SLC12A7: variants seen among roughly 807,000 people sequenced by gnomAD.
SLC12A7 encodes solute carrier family 12 member 7, also known as K-Cl cotransporter 4.
A neutral mutation model predicts 120.6 loss-of-function variants in SLC12A7; 100 were observed. The ratio of observed to expected loss-of-function variants is 0.83; its 90% CI spans 0.71 to 0.98. The LOEUF is 0.98. SLC12A7 is among the 50% of genes least tolerant of loss of function. The pLI, the probability that SLC12A7 is intolerant of heterozygous loss-of-function variation, is 0.00. For missense variants in SLC12A7, 1,373 were observed against 1,548.1 expected (o/e 0.89, Z 1.90); for synonymous variants, 760 against 678.0 (o/e 1.12, Z -1.88).
At chr5:1,076,109 C>T in intron 14 of SLC12A7, 29 bp downstream of exon 14, 2 of 1,573,696 alleles carry the variant, frequency 1.3e-6, no homozygotes, top group Non-Finnish European at 1.7e-6. Flanking sequence ...GCCTGTGGGG[C>T]TCCTCACGCC....
chr5:1,092,694 A>G (rs556745270), intron 3 of SLC12A7, among the ~76,000 whole-genome samples: 1 of 152,182 alleles, frequency 6.6e-6, no homozygotes, highest in Non-Finnish European at 1.5e-5. Flanking sequence ...GCTTCAGAGC[A>G]GGGCCTGCGC....
In SLC12A7 at chr5:1,093,597, GT is replaced by G. The variant is rs1561092226; in HGVS notation, c.277del (p.Thr93ProfsTer3). 1 of 1,612,970 alleles carries G rather than the reference GT, an allele frequency of 6.2e-7. No homozygotes were observed. The highest frequency in any genetic ancestry group is 8.5e-7 in the Non-Finnish European group (1 of 1,179,852). ...SSLLNKLANYTNLSQGVVEHE... is the reference protein window; with the variant it reads ...SSLLNKLANYXNLSQGVVEHE... ...CTCCACCACGCCCTGGCTCAGGTTG[GT>G]GTAGTTGGCCAGCTTGTTGAGCAGC... is the stretch of plus-strand genomic sequence containing the variant. On this transcript the variant is annotated frameshift_variant, in exon 3 of 24. Coordinates refer to ENST00000264930, the MANE Select transcript of SLC12A7 (RefSeq NM_006598.3). LOFTEE classifies it high-confidence loss of function.
At chr5:1,092,748 T>A (rs886652364) in intron 3 of SLC12A7, among the ~76,000 whole-genome samples, 1 of 151,962 alleles carries the variant, frequency 6.6e-6, no homozygotes, top group Non-Finnish European at 1.5e-5. Context: ...GTTTTTTGTA[T>A]CTTATTCTAG....
At chr5:1,063,510 G>A (rs1039585765) in intron 20 of SLC12A7, among the ~76,000 whole-genome samples, 10 of 152,092 alleles carry the variant, frequency 6.6e-5, no homozygotes, top group Non-Finnish European at 8.8e-5. Context: ...AGCAACACAC[G>A]GGGCTCTGTG....
At chr5:1,062,688 G>A (rs79414142) in intron 20 of SLC12A7, among the ~76,000 whole-genome samples, 123 of 11,306 alleles carry the variant, frequency 0.011, no homozygotes, top group Non-Finnish European at 0.069. Context: ...GGGCTGGGGG[G>A]CTGGGGGACT....
chr5:1,148,205 C>CTTTTTTTTTTT, the SLC12A7 span, among the ~76,000 whole-genome samples: 1 of 107,636 alleles, frequency 9.3e-6, no homozygotes, highest in African/African-American at 3.8e-5. Flanking sequence ...TTCTTTCTTT[C>CTTTTTTTTTTT]TTTTTTTTTT....
the SLC12A7 span, among the ~76,000 whole-genome samples, chr5:1,134,268 G>A: frequency 6.6e-6 from 1 of 152,082 alleles, no homozygotes; most frequent in Non-Finnish European, 1.5e-5. Context: ...TCAGGAGTTC[G>A]AGACCAGCCT....
chr5:1,080,959 A>T (rs1015714918), intron 9 of SLC12A7, among the ~76,000 whole-genome samples: 1 of 151,718 alleles, frequency 6.6e-6, no homozygotes, highest in South Asian at 2.1e-4. Flanking sequence ...CAGGCAAGAT[A>T]AGCAGGGGCA....
the SLC12A7 span, among the ~76,000 whole-genome samples, chr5:1,148,205 C>CTTTTTTT: frequency 2.8e-4 from 30 of 107,598 alleles, 1 homozygote; most frequent in African/African-American, 3.8e-4. Context: ...TTCTTTCTTT[C>CTTTTTTT]TTTTTTTTTT....
At chr5:1,084,331 G>C (rs1349647278) in intron 7 of SLC12A7, among the ~76,000 whole-genome samples, 1 of 152,172 alleles carries the variant, frequency 6.6e-6, no homozygotes, top group African/African-American at 2.4e-5. Context: ...GCGCGGTGCC[G>C]AGTAGTGAGG....
In SLC12A7 at chr5:1,085,228, T is replaced by G; in HGVS notation, c.917+4A>C. 1 of 1,602,052 alleles carries G rather than the reference T, an allele frequency of 6.2e-7. No individual in the cohort carries two copies. Among genetic ancestry groups the G allele is most frequent in the African/African-American group, 1.3e-5 (1 of 74,518 alleles). On this transcript the variant is annotated splice_donor_region_variant and intron_variant, in intron 7 of 23. Transcript: ENST00000264930. ...ACCCACGGCTCAGAGGCCCCGAGAC[T>G]CACGGGATGTCCGGGGGGTCGAAGG...
the SLC12A7 span, among the ~76,000 whole-genome samples, chr5:1,136,022 G>A: frequency 6.6e-6 from 1 of 152,172 alleles, no homozygotes; most frequent in Non-Finnish European, 1.5e-5. Flanking sequence ...GGGTCCAGAG[G>A]ACACGGATGC....
At chr5:1,112,239 G>C (rs1743082444), upstream of SLC12A7, among the ~76,000 whole-genome samples, 1 of 151,652 alleles carries the variant, frequency 6.6e-6, no homozygotes, top group Non-Finnish European at 1.5e-5. Context: ...TTCGCTGCCT[G>C]CGCTCCCGAC....
At chr5:1,085,639 AGGG>A in intron 6 of SLC12A7, among the ~76,000 whole-genome samples, 166 bp from the exon 7 acceptor site, 1 of 131,948 alleles carries the variant, frequency 7.6e-6, no homozygotes, top group Non-Finnish European at 1.7e-5. Context: ...CGCACAGGCA[AGGG>A]ACGGAGCCCG....
chr5:1,128,386 C>T, the SLC12A7 span, among the ~76,000 whole-genome samples: 1 of 152,252 alleles, frequency 6.6e-6, no homozygotes, highest in Non-Finnish European at 1.5e-5. Flanking sequence ...CTCAGACAAA[C>T]AAAAGCCACC....
the SLC12A7 span, among the ~76,000 whole-genome samples, chr5:1,133,757 G>A: frequency 6.6e-6 from 1 of 152,292 alleles, no homozygotes; most frequent in African/African-American, 2.4e-5. Flanking sequence ...CTCAGAGGCT[G>A]AGGTTGGGGG....
At chr5:1,082,181 C>T (rs59592987) in intron 8 of SLC12A7, among the ~76,000 whole-genome samples, 2 of 135,898 alleles carry the variant, frequency 1.5e-5, no homozygotes, top group African/African-American at 2.8e-5. Flanking sequence ...CTGGAAAGTC[C>T]GGGCTTCCCG....
chr5:1,085,222 C>G lies in SLC12A7; in HGVS notation c.917+10G>C. 1 of 1,611,658 alleles carries G rather than the reference C, an allele frequency of 6.2e-7. No individual in the cohort carries two copies. Among genetic ancestry groups the G allele is most frequent in the Non-Finnish European group, 8.5e-7 (1 of 1,179,414 alleles). Reference sequence around the variant, plus strand: ...ACACCCACCCACGGCTCAGAGGCCCCGAGACTCACGGGATGTCCGGGGGGT... The same window carrying G: ...ACACCCACCCACGGCTCAGAGGCCCGGAGACTCACGGGATGTCCGGGGGGT... On this transcript the variant is annotated intron_variant, in intron 7 of 23. Coordinates refer to ENST00000264930, the MANE Select transcript of SLC12A7 (RefSeq NM_006598.3).
chr5:1,081,823 C>T lies in SLC12A7; in HGVS notation c.1130-79G>A, dbSNP rs1739160357. The T allele has an allele frequency of 3.9e-6, 6 of 1,522,530 alleles. No homozygotes were observed. In the South Asian group the frequency reaches 6.2e-5, roughly 16 times the overall value. The allele number at this position is 1,522,530 out of a possible 1,614,324, so 94.3% of individuals were successfully genotyped here. A position where few individuals can be genotyped will look rare whatever the true frequency, so the allele number is the denominator to read the frequency against. On this transcript the variant is annotated intron_variant, in intron 8 of 23. Transcript: ENST00000264930. Reference sequence around the variant, plus strand: ...CGCCATGGGGCCGCCCACTCCCCGGCAGGTGCCACTGGTGGCCGGAGGGGA... The same window carrying T: ...CGCCATGGGGCCGCCCACTCCCCGGTAGGTGCCACTGGTGGCCGGAGGGGA...
Sources: allele counts gnomAD v4.1 joint callset (sites outside exome capture counted in the v4.1 genomes callset), GRCh38; gene constraint gnomAD v4.1.1; transcripts MANE v1.5; gene names NCBI Gene and HGNC (gene_info 2026-07-23, HGNC 2026-07-21).